Variants in JPH3 observed in about 807,000 individuals in gnomAD.
The protein encoded by JPH3 is junctophilin 3, also known as junctophilin-3.
In JPH3, 11 loss-of-function variants were observed where a neutral mutation model predicts 59.6. That is an observed-to-expected ratio of 0.18 (90% confidence interval 0.12 to 0.31). The LOEUF (loss-of-function observed/expected upper bound fraction) is 0.31. JPH3 is among the 10% of genes least tolerant of loss of function. The pLI is 1.00. For synonymous variants in JPH3, 673 were observed against 483.6 expected, an observed-to-expected ratio of 1.39 and a Z score of -5.14; for missense variants, 1,202 against 1,105.7, an observed-to-expected ratio of 1.09 and a Z score of -1.24.
intron 1 of JPH3, chr16:87,604,187 C>T (rs774823703): frequency 8.0e-5 from 113 of 1,403,974 alleles, no homozygotes; most frequent in Non-Finnish European, 1.0e-4. Context: ...CTTTCAGTGG[C>T]TGCATCGTTT....
intron 2 of JPH3, among the ~76,000 whole-genome samples, chr16:87,658,555 C>G (rs930977701): frequency 6.6e-6 from 1 of 152,158 alleles, no homozygotes; most frequent in African/African-American, 2.4e-5. Context: ...CTCTCTCTCC[C>G]CAACCCCCCT....
chr16:87,658,080 G>T (rs1213676388), intron 2 of JPH3, among the ~76,000 whole-genome samples: 1 of 152,220 alleles, frequency 6.6e-6, no homozygotes, highest in African/African-American at 2.4e-5. Context: ...TACCCCGGAA[G>T]GCACCATGCG....
chr16:87,603,988 C>A, intron 1 of JPH3: 1 of 767,212 alleles, frequency 1.3e-6, no homozygotes, highest in Non-Finnish European at 1.6e-6. Flanking sequence ...GGGCCTTCCT[C>A]AGCCCCGAAT....
At chr16:87,616,761 C>G (rs974553765) in intron 1 of JPH3, among the ~76,000 whole-genome samples, 2 of 152,182 alleles carry the variant, frequency 1.3e-5, no homozygotes, top group Non-Finnish European at 2.9e-5. Context: ...TTGTGTTGCC[C>G]TTTTGTAGCC....
At chr16:87,651,710 C>T (rs888919255) in intron 2 of JPH3, among the ~76,000 whole-genome samples, 27 of 152,224 alleles carry the variant, frequency 1.8e-4, no homozygotes, top group African/African-American at 6.3e-4. Flanking sequence ...TGAGGAGTTG[C>T]TGCTTAGGGG....
chr16:87,604,757 A>G, intron 1 of JPH3: 1 of 826,476 alleles, frequency 1.2e-6, no homozygotes. Flanking sequence ...TGGCTTATGC[A>G]ACTGAAAAGC....
At position 87,691,842 on chromosome 16, in the gene JPH3, T is replaced by C. The variant is rs550807616; in HGVS notation, c.2166+1316T>C. 3.3e-5 allele frequency among the ~76,000 whole-genome samples: 5 copies of C among 152,208 alleles called. No homozygotes were observed. The East Asian group carries it at 9.7e-4, about 29-fold the overall frequency. Reference sequence around the variant, plus strand: ...TTTCCCCATCGCAGCCGGAGATGTGTGCGTGGCTGTGCGCGCGCGGTTATT... The same window carrying C: ...TTTCCCCATCGCAGCCGGAGATGTGCGCGTGGCTGTGCGCGCGCGGTTATT... On this transcript the variant is annotated intron_variant, in intron 4 of 4. Coordinates refer to ENST00000284262, the MANE Select transcript of JPH3 (RefSeq NM_020655.4).
At chr16:87,622,974 C>T (rs2150830183) in intron 1 of JPH3, among the ~76,000 whole-genome samples, 1 of 152,262 alleles carries the variant, frequency 6.6e-6, no homozygotes, top group South Asian at 2.1e-4. Flanking sequence ...CTACCTGGGT[C>T]CCACAGGGGG....
intron 2 of JPH3, among the ~76,000 whole-genome samples, chr16:87,674,991 A>T (rs1597282345): frequency 6.6e-6 from 1 of 152,046 alleles, no homozygotes; most frequent in Non-Finnish European, 1.5e-5. Context: ...TGAACTCCTG[A>T]CCTCAGGTGA....
intron 1 of JPH3, among the ~76,000 whole-genome samples, chr16:87,625,922 A>G (rs1216181150): frequency 5.3e-5 from 8 of 152,166 alleles, no homozygotes; most frequent in Non-Finnish European, 7.4e-5. Context: ...CCCAAAACTC[A>G]GGGCCTCAAG....
chr16:87,664,343 A>G (rs1350558966), intron 2 of JPH3, among the ~76,000 whole-genome samples: 1 of 150,332 alleles, frequency 6.7e-6, no homozygotes, highest in Non-Finnish European at 1.5e-5. Context: ...AAAAAAAAAA[A>G]AATCATATGG....
At chr16:87,631,566 G>T (rs928822365) in intron 1 of JPH3, among the ~76,000 whole-genome samples, 1 of 152,128 alleles carries the variant, frequency 6.6e-6, no homozygotes, top group African/African-American at 2.4e-5. Context: ...ACTGTATCTT[G>T]GTTGGGTGTC....
chr16:87,677,028 G>A lies in JPH3; in HGVS notation c.1161-7114G>A, dbSNP rs530682686. Among the ~76,000 whole-genome samples, 338 of 151,234 alleles carry A rather than the reference G, an allele frequency of 2.2e-3. 6 individuals are homozygous for A. The highest frequency in any genetic ancestry group is 7.8e-3 in the African/African-American group (321 of 40,906). On this transcript the variant is annotated intron_variant, in intron 2 of 4. Coordinates refer to ENST00000284262, the MANE Select transcript of JPH3 (RefSeq NM_020655.4). ...CAAAAAATTAGCCGGGCGTGGTGGCGGGCGCCTGTAGTCCCAGCTACTCGG... is the reference window on the plus strand; with the variant it reads ...CAAAAAATTAGCCGGGCGTGGTGGCAGGCGCCTGTAGTCCCAGCTACTCGG...
chr16:87,626,484 C>T (rs191559417), intron 1 of JPH3, among the ~76,000 whole-genome samples: 42 of 152,344 alleles, frequency 2.8e-4, no homozygotes, highest in Admixed American at 1.3e-4. Flanking sequence ...ACCTGGGGCC[C>T]GGAGACAGGC....
At chr16:87,651,407 A>G (rs145439130) in intron 2 of JPH3, among the ~76,000 whole-genome samples, 5 of 152,356 alleles carry the variant, frequency 3.3e-5, no homozygotes, top group East Asian at 3.9e-4. Context: ...GCTGCCATAG[A>G]TAGTGATTTC....
At chr16:87,616,139 G>A (rs1403470722) in intron 1 of JPH3, among the ~76,000 whole-genome samples, 4 of 151,736 alleles carry the variant, frequency 2.6e-5, no homozygotes, top group Non-Finnish European at 5.9e-5. Context: ...TTTCTCCAGG[G>A]CCCGGGAACG....
At chr16:87,659,170 T>TA (rs1474022184) in intron 2 of JPH3, among the ~76,000 whole-genome samples, 2 of 151,866 alleles carry the variant, frequency 1.3e-5, no homozygotes, top group East Asian at 3.9e-4. Flanking sequence ...GGTCAGGAGT[T>TA]AGAGACCAGC....
chr16:87,620,424 G>T (rs2031130423), intron 1 of JPH3, among the ~76,000 whole-genome samples: 3 of 143,446 alleles, frequency 2.1e-5, no homozygotes, highest in African/African-American at 7.6e-5. Flanking sequence ...GGTTAGCAGA[G>T]AGGTGGGAGG....
In JPH3 at chr16:87,611,208, G is replaced by A. The variant is rs1195580470; in HGVS notation, c.382+7680G>A. 6.6e-6 allele frequency among the ~76,000 whole-genome samples: 1 copy of A among 152,210 alleles called. No individual in the cohort carries two copies. The highest frequency in any genetic ancestry group is 1.5e-5 in the Non-Finnish European group (1 of 68,038). On this transcript the variant is annotated intron_variant, in intron 1 of 4. Transcript: ENST00000284262. The surrounding 1 kb of genome is among the most constrained non-coding windows in gnomAD (Gnocchi z 4.5). ...GGAGTCTGAACAGGGATGCAAAACC[G>A]AGATATATGGAATAATTCAGGGTTT...
Sources: gnomAD v4.1 joint callset for allele counts (sites outside exome capture counted in the v4.1 genomes callset) on GRCh38, gnomAD v4.1.1 for gene constraint, Gnocchi (gnomAD v3.1) non-coding constraint, MANE v1.5 for transcripts, NCBI Gene and HGNC (gene_info 2026-07-23, HGNC 2026-07-21) for gene names.